Variants in CLSTN2 observed in about 807,000 individuals in gnomAD.
CLSTN2 encodes the protein calsyntenin 2, also known as calsyntenin-2.
In CLSTN2, 48 loss-of-function variants were observed where a neutral mutation model predicts 101.2. That is an observed-to-expected ratio of 0.47 (90% CI 0.38 to 0.60). CLSTN2 has a LOEUF of 0.60. CLSTN2 is among the 20% of genes least tolerant of loss of function. The pLI, the probability that CLSTN2 is intolerant of heterozygous loss-of-function variation, is 0.00. For missense variants in CLSTN2, 1,160 were observed against 1,238.2 expected (o/e 0.94, Z 0.95); for synonymous variants, 481 against 463.6 (o/e 1.04, Z -0.48).
intron 2 of CLSTN2, among the ~76,000 whole-genome samples, chr3:140,234,909 A>G (rs943432866): frequency 6.6e-6 from 1 of 152,046 alleles, no homozygotes; most frequent in African/African-American, 2.4e-5. Flanking sequence ...CAGCAGCTCC[A>G]TCTTCTGCAG....
At chr3:140,182,494 A>G (rs1240829453) in intron 2 of CLSTN2, among the ~76,000 whole-genome samples, 1 of 152,106 alleles carries the variant, frequency 6.6e-6, no homozygotes, top group African/African-American at 2.4e-5. Context: ...CAGCTCTCTG[A>G]GCTCGGACCT....
intron 2 of CLSTN2, among the ~76,000 whole-genome samples, chr3:140,312,471 G>A (rs1238058102): frequency 6.6e-6 from 1 of 152,186 alleles, no homozygotes; most frequent in East Asian, 1.9e-4. Context: ...AGCTTTGACA[G>A]CCATGGTTAT....
At chr3:140,093,910 G>A (rs2008823695) in intron 1 of CLSTN2, among the ~76,000 whole-genome samples, 2 of 152,160 alleles carry the variant, frequency 1.3e-5, no homozygotes, top group Non-Finnish European at 1.5e-5. Flanking sequence ...AATACAAGTA[G>A]AGTCCAGATA....
intron 1 of CLSTN2, among the ~76,000 whole-genome samples, chr3:139,979,660 T>C (rs937022313): frequency 6.6e-6 from 1 of 152,216 alleles, no homozygotes; most frequent in African/African-American, 2.4e-5. Flanking sequence ...AATGTCATTC[T>C]CTCAACTGAC....
In CLSTN2 at chr3:140,372,816, C is replaced by A. The variant is rs184161596; in HGVS notation, c.233-30813C>A. Among the ~76,000 whole-genome samples the A allele has an allele frequency of 6.6e-5, 10 of 152,310 alleles. No homozygotes were observed. The East Asian group carries it at 1.7e-3, about 26-fold the overall frequency. ...TGAGTATACTAAAGGTTCTGGCTCA[C>A]ACCTGTAATGTCAGCTCTTCAGGAG... On this transcript the variant is annotated intron_variant, in intron 2 of 16. Coordinates refer to ENST00000458420, the MANE Select transcript of CLSTN2 (RefSeq NM_022131.3).
chr3:140,050,335 G>T (rs2007967415), intron 1 of CLSTN2, among the ~76,000 whole-genome samples: 1 of 152,198 alleles, frequency 6.6e-6, no homozygotes, highest in Admixed American at 6.5e-5. Context: ...TGTTTACTAT[G>T]TTGAGCCATA....
intron 2 of CLSTN2, among the ~76,000 whole-genome samples, chr3:140,239,234 C>A (rs2086439651): frequency 6.6e-6 from 1 of 152,106 alleles, no homozygotes; most frequent in Non-Finnish European, 1.5e-5. Flanking sequence ...CAGTCCAGAC[C>A]TGCAGCTTGT....
chr3:139,957,907 C>T (rs1235479348), intron 1 of CLSTN2, among the ~76,000 whole-genome samples: 4 of 152,168 alleles, frequency 2.6e-5, no homozygotes, highest in Admixed American at 6.5e-5. Flanking sequence ...GTCTCAGAAT[C>T]GCCGGGCGAT....
intron 1 of CLSTN2, among the ~76,000 whole-genome samples, chr3:140,008,346 G>T (rs1186235408): frequency 6.6e-6 from 1 of 152,150 alleles, no homozygotes; most frequent in African/African-American, 2.4e-5. Flanking sequence ...TTTTCTCTTT[G>T]CCCAGTATTC....
At chr3:140,217,690 T>A (rs2010937386) in intron 2 of CLSTN2, among the ~76,000 whole-genome samples, 1 of 152,230 alleles carries the variant, frequency 6.6e-6, no homozygotes, top group Non-Finnish European at 1.5e-5. Context: ...ACACATTTCT[T>A]CTAATAACCT....
rs146223125 is a variant in CLSTN2, at chr3:140,198,450, C to CT, written c.232+22378dup. On this transcript the variant is annotated intron_variant, in intron 2 of 16. Transcript: ENST00000458420. ...AAAGAAAGGCTTTGGCTGGGCTGCA[C>CT]TCTCCTCTGGAGCTCAGGGTCCTCT... Among the ~76,000 whole-genome samples, 1,164 of 152,312 alleles carry CT rather than the reference C, an allele frequency of 7.6e-3. 13 individuals are homozygous for CT. The highest frequency in any genetic ancestry group is 0.026 in the African/African-American group (1,081 of 41,554).
chr3:140,205,864 G>A (rs185477727), intron 2 of CLSTN2, among the ~76,000 whole-genome samples: 144 of 152,180 alleles, frequency 9.5e-4, no homozygotes, highest in African/African-American at 3.1e-3. Context: ...AGTCCCCACC[G>A]GTCAGTCCCT....
In CLSTN2 at chr3:140,359,362, T is replaced by C. The variant is rs149917283; in HGVS notation, c.233-44267T>C. ...ATGTCACATAATGAAGCCATTTCTATGCTTAACTAGCTCTTCTGCTCTAAA... is the reference window on the plus strand; with the variant it reads ...ATGTCACATAATGAAGCCATTTCTACGCTTAACTAGCTCTTCTGCTCTAAA... On this transcript the variant is annotated intron_variant, in intron 2 of 16. Transcript: ENST00000458420. 5.9e-5 allele frequency among the ~76,000 whole-genome samples: 9 copies of C among 152,328 alleles called. No individual in the cohort carries two copies. In the East Asian group the frequency reaches 1.7e-3, roughly 29 times the overall value.
At chr3:140,104,975 T>C (rs1385091319) in intron 1 of CLSTN2, among the ~76,000 whole-genome samples, 1 of 137,928 alleles carries the variant, frequency 7.3e-6, no homozygotes, top group African/African-American at 3.0e-5. Context: ...CAAGACTTTG[T>C]CTCAAAAATA....
At chr3:140,078,743 A>G (rs2008537729) in intron 1 of CLSTN2, among the ~76,000 whole-genome samples, 1 of 152,216 alleles carries the variant, frequency 6.6e-6, no homozygotes, top group African/African-American at 2.4e-5. Context: ...AGTCATGGTA[A>G]TGAATGCAAT....
chr3:139,970,318 TG>T (rs928884380), intron 1 of CLSTN2, among the ~76,000 whole-genome samples: 2 of 151,956 alleles, frequency 1.3e-5, no homozygotes, highest in Non-Finnish European at 2.9e-5. Context: ...GTGAAGCATC[TG>T]GGGGGGGATG....
chr3:140,392,832 TA>T (rs1329995463), intron 2 of CLSTN2, among the ~76,000 whole-genome samples: 1 of 150,906 alleles, frequency 6.6e-6, no homozygotes, highest in African/African-American at 2.4e-5. Context: ...TAATTTTTTT[TA>T]AAAAAAAAGA....
At chr3:140,030,698 G>T (rs2007528394) in intron 1 of CLSTN2, among the ~76,000 whole-genome samples, 1 of 152,178 alleles carries the variant, frequency 6.6e-6, no homozygotes, top group Non-Finnish European at 1.5e-5. Flanking sequence ...CCCTTATCGA[G>T]AAAGATAGTT....
intron 1 of CLSTN2, among the ~76,000 whole-genome samples, chr3:140,090,461 T>C (rs966096057): frequency 2.0e-5 from 3 of 152,078 alleles, no homozygotes; most frequent in African/African-American, 7.2e-5. Flanking sequence ...TTTATATTGA[T>C]GAATCTGCTA....
Sources: gnomAD v4.1 joint callset for allele counts (sites outside exome capture counted in the v4.1 genomes callset) on GRCh38, gnomAD v4.1.1 for gene constraint, MANE v1.5 for transcripts, NCBI Gene and HGNC (gene_info 2026-07-23, HGNC 2026-07-21) for gene names.